The following CHODL variants were observed in gnomAD, a reference collection of about 807,000 sequenced individuals.
CHODL encodes the protein transmembrane protein MT75.
CHODL carries 29 observed loss-of-function variants against 34.5 expected under a neutral mutation model. That is an observed-to-expected ratio of 0.84 (90% CI 0.63 to 1.15). The LOEUF is 1.15. Among genes scored for constraint, CHODL ranks in the 50% most tolerant of loss-of-function variants. The pLI, the probability that CHODL is intolerant of heterozygous loss-of-function variation, is 0.00. For synonymous variants in CHODL, 125 were observed against 116.1 expected (o/e 1.08, Z -0.49); for missense variants, 332 against 332.5 (o/e 1.00, Z 0.01).
At chr21:18,174,152 TATATATATA>T (rs2073273868) in intron 2 of CHODL, among the ~76,000 whole-genome samples, 5 of 125,800 alleles carry the variant, frequency 4.0e-5, no homozygotes, top group African/African-American at 6.0e-5. Context: ...TATATATATA[TATATATATA>T]AAATCAAGTC....
intron 1 of CHODL, among the ~76,000 whole-genome samples, chr21:17,953,725 G>A (rs2063476150): frequency 6.6e-6 from 1 of 152,090 alleles, no homozygotes; most frequent in South Asian, 2.1e-4. Context: ...TAAATATAAA[G>A]ACTAGTCTGG....
chr21:18,263,575 A>G (rs2074408351), intron 5 of CHODL, among the ~76,000 whole-genome samples: 1 of 152,184 alleles, frequency 6.6e-6, no homozygotes, highest in Non-Finnish European at 1.5e-5. Flanking sequence ...AAAATTCAAT[A>G]TAATGAAAAT....
intron 1 of CHODL, among the ~76,000 whole-genome samples, chr21:18,018,073 AT>A (rs1266128483): frequency 6.6e-6 from 1 of 152,204 alleles, no homozygotes; most frequent in Admixed American, 6.5e-5. Flanking sequence ...AGCAATGTTT[AT>A]GCAGTGCCTG....
chr21:18,091,384 G>A (rs1406702751), intron 2 of CHODL, among the ~76,000 whole-genome samples: 5 of 152,198 alleles, frequency 3.3e-5, no homozygotes, highest in Admixed American at 3.3e-4. Flanking sequence ...AGTAGGTATG[G>A]TTAAGGAAGG....
intron 2 of CHODL, among the ~76,000 whole-genome samples, chr21:18,202,907 C>A (rs932055519): frequency 1.3e-4 from 19 of 150,120 alleles, no homozygotes; most frequent in African/African-American, 4.5e-4. Flanking sequence ...TCTACCAAAG[C>A]CAGCTTATCG....
chr21:18,197,104 A>G (rs1378108228), intron 2 of CHODL, among the ~76,000 whole-genome samples: 1 of 152,176 alleles, frequency 6.6e-6, no homozygotes, highest in Non-Finnish European at 1.5e-5. Flanking sequence ...CATTTGACCC[A>G]TGAATTATGT....
intron 2 of CHODL, among the ~76,000 whole-genome samples, chr21:18,162,077 C>A (rs2073102288): frequency 6.6e-6 from 1 of 152,182 alleles, no homozygotes; most frequent in African/African-American, 2.4e-5. Flanking sequence ...TAACCACTAA[C>A]CCCTCTTTCT....
At chr21:18,252,817 T>C (rs2074273650) in intron 1 of CHODL, among the ~76,000 whole-genome samples, 1 of 152,072 alleles carries the variant, frequency 6.6e-6, no homozygotes, top group Non-Finnish European at 1.5e-5. Context: ...GGTGGGCTGC[T>C]GTCTTGATGC....
At chr21:18,174,160 T>TCTTGG (rs2073275937) in intron 2 of CHODL, among the ~76,000 whole-genome samples, 1 of 114,916 alleles carries the variant, frequency 8.7e-6, no homozygotes, top group Non-Finnish European at 2.0e-5. Flanking sequence ...TATATATATA[T>TCTTGG]AAAATCAAGT....
intron 1 of CHODL, among the ~76,000 whole-genome samples, chr21:18,256,285 G>A (rs1246035498): frequency 6.6e-6 from 1 of 152,116 alleles, no homozygotes; most frequent in Non-Finnish European, 1.5e-5. Context: ...CTTGCTTGAA[G>A]TACTGGGTTT....
intron 2 of CHODL, among the ~76,000 whole-genome samples, chr21:18,028,311 C>CTTCG: frequency 7.1e-6 from 1 of 141,492 alleles, no homozygotes; most frequent in African/African-American, 2.6e-5. Flanking sequence ...TCCTTCCTTC[C>CTTCG]TTCCTTCCTT....
At chr21:18,186,211 T>C (rs2073439413) in intron 2 of CHODL, among the ~76,000 whole-genome samples, 1 of 152,124 alleles carries the variant, frequency 6.6e-6, no homozygotes, top group South Asian at 2.1e-4. Flanking sequence ...CTCACTTTAC[T>C]TTTAGTTTTT....
intron 3 of CHODL, among the ~76,000 whole-genome samples, chr21:18,258,040 G>C (rs914775222): frequency 6.6e-6 from 1 of 152,084 alleles, no homozygotes; most frequent in Non-Finnish European, 1.5e-5. Context: ...TTCACAGAAG[G>C]CAATTATAGT....
intron 2 of CHODL, among the ~76,000 whole-genome samples, chr21:18,238,020 G>C (rs2074045555): frequency 6.6e-6 from 1 of 152,090 alleles, no homozygotes; most frequent in Non-Finnish European, 1.5e-5. Flanking sequence ...ATAAGCAGAG[G>C]TGGACTTAGA....
At chr21:18,086,161 T>A (rs181247751) in intron 2 of CHODL, among the ~76,000 whole-genome samples, 1 of 151,798 alleles carries the variant, frequency 6.6e-6, no homozygotes, top group Admixed American at 6.6e-5. Flanking sequence ...TTGAATGTCT[T>A]TTGTATTTCT....
At chr21:18,064,122 A>C (rs577312481) in intron 2 of CHODL, among the ~76,000 whole-genome samples, 1 of 152,276 alleles carries the variant, frequency 6.6e-6, no homozygotes, top group South Asian at 2.1e-4. Flanking sequence ...GTTAGCACTC[A>C]TCACAATTAC....
chr21:17,935,806 TG>T (rs1185519589), intron 1 of CHODL, among the ~76,000 whole-genome samples: 1 of 151,810 alleles, frequency 6.6e-6, no homozygotes, highest in Non-Finnish European at 1.5e-5. Context: ...TGTTGAAGAG[TG>T]TGTAGGTTTT....
chr21:18,092,440 T>C (rs111763822), intron 2 of CHODL, among the ~76,000 whole-genome samples: 6,698 of 152,188 alleles, frequency 0.044, 492 homozygotes, highest in African/African-American at 0.15. Context: ...TATATACAAG[T>C]ATCAAAACCA....
At chr21:18,148,545 T>A (rs956628039) in intron 2 of CHODL, among the ~76,000 whole-genome samples, 10 of 152,164 alleles carry the variant, frequency 6.6e-5, no homozygotes, top group African/African-American at 2.4e-4. Flanking sequence ...ATTCTTTTTT[T>A]AGAAATGGAT....
Sources: gnomAD v4.1 joint callset for allele counts (sites outside exome capture counted in the v4.1 genomes callset) on GRCh38, gnomAD v4.1.1 for gene constraint, MANE v1.5 for transcripts, NCBI Gene and HGNC (gene_info 2026-07-23, HGNC 2026-07-21) for gene names.